Variants in NUDT19 observed in about 807,000 individuals in gnomAD.
The protein encoded by NUDT19 is nudix hydrolase 19.
NUDT19 carries 31 observed loss-of-function variants against 22.2 expected under a neutral mutation model. The ratio of observed to expected loss-of-function variants is 1.40; its 90% CI spans 1.05 to 1.89. NUDT19 has a LOEUF of 1.89. Ranked by LOEUF, NUDT19 falls within the 40% of genes most tolerant of loss-of-function variation. The pLI is 0.00. For missense variants in NUDT19, 752 were observed against 514.2 expected, an observed-to-expected ratio of 1.46 and a Z score of -4.47; for synonymous variants, 325 against 230.8, an observed-to-expected ratio of 1.41 and a Z score of -3.70.
intron 1 of NUDT19, among the ~76,000 whole-genome samples, chr19:32,708,019 G>A (rs1490280666): frequency 1.3e-5 from 2 of 151,562 alleles, no homozygotes; most frequent in Non-Finnish European, 2.9e-5. Context: ...CGATGGTGGC[G>A]GGTGCCTGTA....
At chr19:32,697,419 G>T (rs920285685) in intron 1 of NUDT19, among the ~76,000 whole-genome samples, 2 of 152,158 alleles carry the variant, frequency 1.3e-5, no homozygotes, top group Non-Finnish European at 2.9e-5. Flanking sequence ...AAGGCCTCCC[G>T]TAGCTGCTCG....
At chr19:32,704,450 C>T (rs1159783940) in intron 1 of NUDT19, among the ~76,000 whole-genome samples, 6 of 151,904 alleles carry the variant, frequency 3.9e-5, no homozygotes, top group African/African-American at 9.7e-5. Flanking sequence ...TTAGTAGAGA[C>T]GGGGTTTCGC....
At chr19:32,697,154 T>C (rs1223369163) in intron 1 of NUDT19, among the ~76,000 whole-genome samples, 4 of 151,962 alleles carry the variant, frequency 2.6e-5, no homozygotes, top group Non-Finnish European at 5.9e-5. Context: ...ACCACCAAGG[T>C]TTGTTTGTCT....
Position 32,692,265 on chromosome 19 carries a change from C to A in NUDT19, c.305C>A (p.Pro102Gln). Residue 102 changes from proline (P) to glutamine (Q), a missense_variant, in exon 1 of 3, where the codon CCG (proline) becomes CAG (glutamine). Transcript: ENST00000397061. ...GPAPFSRTAF[P>Q]SLPDTDDHKT... ...GCGCCATTCAGCCGCACCGCTTTCCCGTCGCTGCCCGACACCGATGACCAC... is the reference window on the plus strand; with the variant it reads ...GCGCCATTCAGCCGCACCGCTTTCCAGTCGCTGCCCGACACCGATGACCAC... The A allele has an allele frequency of 6.3e-7, 1 of 1,592,354 alleles. No individual in the cohort carries two copies. The highest frequency in any genetic ancestry group is 1.1e-5 in the South Asian group (1 of 90,362).
At chr19:32,708,690 TCACCACATCACAAA>T (rs1968414145) in intron 1 of NUDT19, among the ~76,000 whole-genome samples, 1 of 152,154 alleles carries the variant, frequency 6.6e-6, no homozygotes, top group Admixed American at 6.5e-5. Flanking sequence ...GTGGCACACA[TCACCACATCACAAA>T]GCATTTTGGT....
chr19:32,711,891 G>A lies in NUDT19; in HGVS notation c.1062G>A (p.Val354=). ...ATCGCCACCTTTATGATATCCACGTGACTGTTCAGCCAAAGTATAAACACG... is the reference window on the plus strand; with the variant it reads ...ATCGCCACCTTTATGATATCCACGTAACTGTTCAGCCAAAGTATAAACACG... ...TYHRHLYDIH[V]TVQPKYKHVY... The change falls in exon 3 of 3, where the codon GTG becomes GTA. Residue 354 remains valine (V), a synonymous_variant. Transcript: ENST00000397061. 1 of 1,613,992 alleles carries A rather than the reference G, an allele frequency of 6.2e-7. No homozygotes were observed. The highest frequency in any genetic ancestry group is 8.5e-7 in the Non-Finnish European group (1 of 1,179,960).
In NUDT19 at chr19:32,709,195, C is replaced by T; in HGVS notation, c.725C>T (p.Pro242Leu). Reference sequence around the variant, plus strand: ...CTTTGTCTTTCACAGTGGTCATCTCCATCAGAGGCAACTGAAAGTTTCTTA... The same window carrying T: ...CTTTGTCTTTCACAGTGGTCATCTCTATCAGAGGCAACTGAAAGTTTCTTA... ...AEVVGYQWSSPSEATESFLSK... is the reference protein window; with the variant it reads ...AEVVGYQWSSLSEATESFLSK... The change falls in exon 2 of 3, where the codon CCA becomes CTA. Residue 242 changes from proline (P) to leucine (L), a missense_variant. Coordinates refer to ENST00000397061, the MANE Select transcript of NUDT19 (RefSeq NM_001105570.2). The T allele has an allele frequency of 6.2e-7, 1 of 1,611,952 alleles. No homozygotes were observed. Among genetic ancestry groups the T allele is most frequent in the East Asian group, 2.2e-5 (1 of 44,872 alleles).
At position 32,691,943 on chromosome 19, in the gene NUDT19, T is replaced by G; in HGVS notation, c.-18T>G. 8.2e-7 allele frequency: 1 copy of G among 1,213,604 alleles called. No homozygotes were observed. Among genetic ancestry groups the G allele is most frequent in the Non-Finnish European group, 1.0e-6 (1 of 975,388 alleles). 75.2% of individuals were successfully genotyped at this position (1,213,604 alleles called of 1,614,324 possible). ...GAGCTCAGGCCGCGCCAGAATCGGA[T>G]CCGGGAAGCTGCGCGCCATGAGCAG... On this transcript the variant is annotated 5_prime_UTR_variant, in exon 1 of 3. Transcript: ENST00000397061.
chr19:32,713,392 C>T lies in NUDT19; in HGVS notation c.*1435C>T, dbSNP rs573442473. 6.8e-5 allele frequency: 10 copies of T among 146,524 alleles called. No homozygotes were observed. In the South Asian group the frequency reaches 2.1e-3, roughly 31 times the overall value. The allele number at this position is 146,524 out of a possible 1,614,324, so 9.1% of individuals were successfully genotyped here. A position where few individuals can be genotyped will look rare whatever the true frequency, so the allele number is the denominator to read the frequency against. ...GCCAGTCCGGTCTCGAACTTCTGAC[C>T]TGAGGTGATCTGCCCACCTTGGCCT... On this transcript the variant is annotated 3_prime_UTR_variant, in exon 3 of 3. Coordinates refer to ENST00000397061, the MANE Select transcript of NUDT19 (RefSeq NM_001105570.2).
chr19:32,709,622 T>G (rs1020118375), intron 2 of NUDT19, among the ~76,000 whole-genome samples: 3 of 152,132 alleles, frequency 2.0e-5, no homozygotes, highest in Non-Finnish European at 4.4e-5. Context: ...TTCCTAGACA[T>G]TGACAAAGGT....
At chr19:32,695,241 A>G (rs142265814) in intron 1 of NUDT19, among the ~76,000 whole-genome samples, 1,661 of 152,216 alleles carry the variant, frequency 0.011, 38 homozygotes, top group African/African-American at 0.038. Flanking sequence ...GTGCAGTGGC[A>G]TGATCTAGGC....
rs1968471964 is a variant in NUDT19, at chr19:32,713,717, A to T, written c.*1760A>T. ...TATCATGCATTGTACAATTGATTTC[A>T]TATTTTATGAAATGCCTTAATTTTC... is the stretch of plus-strand genomic sequence containing the variant. On this transcript the variant is annotated 3_prime_UTR_variant, in exon 3 of 3. Transcript: ENST00000397061. The T allele has an allele frequency of 6.6e-6, 1 of 152,218 alleles. No individual in the cohort carries two copies. The highest frequency in any genetic ancestry group is 2.4e-5 in the African/African-American group (1 of 41,456). The allele number at this position is 152,218 out of a possible 1,614,324, so 9.4% of individuals were successfully genotyped here.
Position 32,692,596 on chromosome 19 carries a change from T to C in NUDT19, c.636T>C (p.Phe212=), listed in dbSNP as rs771832549. 4 of 1,579,372 alleles carry C rather than the reference T, an allele frequency of 2.5e-6. No individual in the cohort carries two copies. The South Asian group carries it at 4.6e-5, about 18-fold the overall frequency. The part of the protein sequence containing the change: ...TPFLRGTTRR[F]DTAFFLCCLR... ...TCTTGCGGGGCACCACTCGCCGCTT[T>C]GACACGGCCTTCTTCCTGTGCTGCC... The change falls in exon 1 of 3, where the codon TTT becomes TTC. Residue 212 remains phenylalanine, a synonymous_variant. Coordinates refer to ENST00000397061, the MANE Select transcript of NUDT19 (RefSeq NM_001105570.2).
rs1303558860 is a variant in NUDT19 at position 32,712,230 on chromosome 19, A to G, written c.*273A>G. ...GCTGGGACTACAGGCGCCCGCCACCATGCCCAGCTAATTTTTTTTTGTATT... is the reference window on the plus strand; with the variant it reads ...GCTGGGACTACAGGCGCCCGCCACCGTGCCCAGCTAATTTTTTTTTGTATT... On this transcript the variant is annotated 3_prime_UTR_variant, in exon 3 of 3. Transcript: ENST00000397061. 2 of 300,116 alleles carry G rather than the reference A, an allele frequency of 6.7e-6. No individual in the cohort carries two copies. Among genetic ancestry groups the G allele is most frequent in the Non-Finnish European group, 6.2e-6 (1 of 161,212 alleles). 18.6% of individuals were successfully genotyped at this position (300,116 alleles called of 1,614,324 possible).
chr19:32,704,490 G>C (rs1454080724), intron 1 of NUDT19, among the ~76,000 whole-genome samples: 1 of 151,694 alleles, frequency 6.6e-6, no homozygotes, highest in Non-Finnish European at 1.5e-5. Context: ...TCGAACTCCT[G>C]ACCTTGTGAT....
In NUDT19 at chr19:32,709,188, T is replaced by C. The variant is rs757135645; in HGVS notation, c.718T>C (p.Ser240Pro). ...DLAEVVGYQW[S>P]SPSEATESFL... ...ACCCTGCCTTTGTCTTTCACAGTGG[T>C]CATCTCCATCAGAGGCAACTGAAAG... Residue 240 changes from serine (S) to proline (P), a missense_variant, in exon 2 of 3, where the codon TCA (serine) becomes CCA (proline). Ser to Pro is a moderately conservative substitution (Grantham distance 74). Coordinates refer to ENST00000397061, the MANE Select transcript of NUDT19 (RefSeq NM_001105570.2). The C allele has an allele frequency of 2.5e-6, 4 of 1,610,178 alleles. No individual in the cohort carries two copies. The South Asian group carries it at 4.4e-5, about 18-fold the overall frequency.
chr19:32,695,425 G>A (rs1444498858), intron 1 of NUDT19, among the ~76,000 whole-genome samples: 3 of 152,174 alleles, frequency 2.0e-5, no homozygotes, highest in African/African-American at 4.8e-5. Flanking sequence ...TGATCTGCCC[G>A]CCTTGGCCTC....
chr19:32,693,752 G>T (rs192428612), intron 1 of NUDT19, among the ~76,000 whole-genome samples: 1 of 152,082 alleles, frequency 6.6e-6, no homozygotes, highest in Non-Finnish European at 1.5e-5. Flanking sequence ...TGATTGGTGC[G>T]TTTTTACAGA....
At chr19:32,708,306 A>T (rs1968409416) in intron 1 of NUDT19, among the ~76,000 whole-genome samples, 1 of 151,198 alleles carries the variant, frequency 6.6e-6, no homozygotes, top group Non-Finnish European at 1.5e-5. Flanking sequence ...GGGCGCCTGT[A>T]GTCCCAGTTA....
Sources: gnomAD v4.1 joint callset for allele counts (sites outside exome capture counted in the v4.1 genomes callset) on GRCh38, gnomAD v4.1.1 for gene constraint, MANE v1.5 for transcripts, NCBI Gene and HGNC (gene_info 2026-07-23, HGNC 2026-07-21) for gene names.